TMEM268: variants seen among roughly 807,000 people sequenced by gnomAD.
TMEM268 encodes the protein transmembrane protein 268.
Under a neutral mutation model 39.1 loss-of-function variants are expected in TMEM268, and 24 were observed. The observed-to-expected ratio is 0.61, with a 90% confidence interval of 0.44 to 0.86. The LOEUF is 0.86. TMEM268 is among the 40% of genes least tolerant of loss of function. The pLI, the probability that TMEM268 is intolerant of heterozygous loss-of-function variation, is 0.00. For synonymous variants in TMEM268, 176 were observed against 173.5 expected, an observed-to-expected ratio of 1.01 and a Z score of -0.12; for missense variants, 409 against 428.6, an observed-to-expected ratio of 0.95 and a Z score of 0.40.
chr9:114,621,116 T>G (rs1700585112), intron 2 of TMEM268, among the ~76,000 whole-genome samples: 1 of 152,078 alleles, frequency 6.6e-6, no homozygotes, highest in African/African-American at 2.4e-5. Context: ...CATGGAAGCA[T>G]TCCTTGAGCC....
rs531811106 is a variant in TMEM268 at position 114,626,071 on chromosome 9, C to T, written c.217-828C>T. 9.9e-5 allele frequency among the ~76,000 whole-genome samples: 15 copies of T among 152,188 alleles called. No homozygotes were observed. In the East Asian group the frequency reaches 1.4e-3, roughly 14 times the overall value. On this transcript the variant is annotated intron_variant, in intron 3 of 8. Coordinates refer to ENST00000288502, the MANE Select transcript of TMEM268 (RefSeq NM_153045.4). ...CAAACTCCTGATCTCGTGATCCGCC[C>T]GCCTTGACCTCCCAAAGTGCGGGGA...
upstream of TMEM268, among the ~76,000 whole-genome samples, chr9:114,609,235 C>G (rs550186608): frequency 6.6e-6 from 1 of 151,814 alleles, no homozygotes; most frequent in Non-Finnish European, 1.5e-5. Flanking sequence ...CGCTTGAACC[C>G]GGGAGGTGGA....
chr9:114,632,740 G>A (rs752055917), intron 5 of TMEM268, among the ~76,000 whole-genome samples: 2 of 152,122 alleles, frequency 1.3e-5, no homozygotes, highest in African/African-American at 2.4e-5. Flanking sequence ...CCCATCTTCC[G>A]CAAATATCTT....
chr9:114,605,456 C>T, the TMEM268 span, among the ~76,000 whole-genome samples: 1 of 151,952 alleles, frequency 6.6e-6, no homozygotes, highest in East Asian at 1.9e-4. Flanking sequence ...GGTGAAAGAT[C>T]ATCAGGTCAA....
At chr9:114,610,997 G>C (rs897681090), upstream of TMEM268, among the ~76,000 whole-genome samples, 2 of 152,192 alleles carry the variant, frequency 1.3e-5, no homozygotes, top group African/African-American at 4.8e-5. Flanking sequence ...CAAGCAAGAG[G>C]ATCGCTTGAG....
rs143042367 is a variant in TMEM268 at position 114,626,238 on chromosome 9, C to G, written c.217-661C>G. Among the ~76,000 whole-genome samples the G allele has an allele frequency of 5.1e-3, 781 of 152,292 alleles. 7 individuals carry two copies. Among genetic ancestry groups the G allele is most frequent in the African/African-American group, 0.018 (737 of 41,562 alleles). On this transcript the variant is annotated intron_variant, in intron 3 of 8. Coordinates refer to ENST00000288502, the MANE Select transcript of TMEM268 (RefSeq NM_153045.4). Reference sequence around the variant, plus strand: ...TTGGTCTCCCAAAGTGCTGGGATTACAGGTGTGAGACACTGCACCTGGCCT... The same window carrying G: ...TTGGTCTCCCAAAGTGCTGGGATTAGAGGTGTGAGACACTGCACCTGGCCT...
chr9:114,630,279 TATCC>T (rs57970569), intron 5 of TMEM268, among the ~76,000 whole-genome samples: 13,942 of 148,184 alleles, frequency 0.094, 932 homozygotes, highest in East Asian at 0.28. Flanking sequence ...AATATATATC[TATCC>T]ATCCATCCAT....
intron 2 of TMEM268, among the ~76,000 whole-genome samples, chr9:114,618,532 G>A (rs1373391006): frequency 9.2e-5 from 14 of 151,926 alleles, no homozygotes; most frequent in South Asian, 4.2e-4. Flanking sequence ...ATGTGGTGGC[G>A]GGCGCCTGTA....
At chr9:114,606,873 AC>A (rs985585925), upstream of TMEM268, among the ~76,000 whole-genome samples, 18 of 148,812 alleles carry the variant, frequency 1.2e-4, no homozygotes, top group East Asian at 9.9e-4. Flanking sequence ...AAAAAAAAAA[AC>A]CAAAAAACAC....
chr9:114,625,137 T>G (rs1428689142), intron 3 of TMEM268, among the ~76,000 whole-genome samples: 1 of 152,222 alleles, frequency 6.6e-6, no homozygotes, highest in East Asian at 1.9e-4. Flanking sequence ...TTTCTGAGCC[T>G]CAGTTTTATC....
At chr9:114,608,345 G>A (rs1444558189), upstream of TMEM268, among the ~76,000 whole-genome samples, 1 of 152,232 alleles carries the variant, frequency 6.6e-6, no homozygotes, top group Non-Finnish European at 1.5e-5. Context: ...CAGAGAGTGA[G>A]CTGAGCTGCC....
chr9:114,626,903 C>G lies in TMEM268; in HGVS notation c.221C>G (p.Pro74Arg). The G allele has an allele frequency of 6.2e-7, 1 of 1,607,402 alleles. No individual in the cohort carries two copies. The highest frequency in any genetic ancestry group is 8.5e-7 in the Non-Finnish European group (1 of 1,174,432). The change falls in exon 4 of 9, where the codon CCG becomes CGG. Residue 74 changes from proline (P) to arginine (R), a missense_variant. Pro to Arg is a moderately radical substitution (Grantham distance 103). Coordinates refer to ENST00000288502, the MANE Select transcript of TMEM268 (RefSeq NM_153045.4). ...EQLQTWGIQV[P>R]ADQYRSLAES... ...CTTTCCCTGGGTTCCAAGCAGGTCC[C>G]GGCTGACCAGTACAGGAGCTTGGCT... is the stretch of plus-strand genomic sequence containing the variant.
At chr9:114,642,786 G>A (rs1827412377) in intron 8 of TMEM268, among the ~76,000 whole-genome samples, 1 of 152,012 alleles carries the variant, frequency 6.6e-6, no homozygotes, top group African/African-American at 2.4e-5. Flanking sequence ...TGGCCAGCTA[G>A]GCTTAAAAAA....
At chr9:114,617,339 CCTCATGCTGAACTGGA>C in intron 2 of TMEM268, 38 bp downstream of exon 2, 1 of 1,500,100 alleles carries the variant, frequency 6.7e-7, no homozygotes, top group South Asian at 1.2e-5. Flanking sequence ...CTTCTTTCTA[CCTCATGCTGAACTGGA>C]CTCACAGGGC....
rs1304034767 is a variant in TMEM268 at position 114,645,703 on chromosome 9, A to G, written c.*2390A>G. 6.6e-6 allele frequency: 1 copy of G among 152,304 alleles called. No homozygotes were observed. Among genetic ancestry groups the G allele is most frequent in the African/African-American group, 2.4e-5 (1 of 41,454 alleles). The allele number at this position is 152,304 out of a possible 1,614,324, so 9.4% of individuals were successfully genotyped here. A position where few individuals can be genotyped will look rare whatever the true frequency, so the allele number is the denominator to read the frequency against. On this transcript the variant is annotated 3_prime_UTR_variant, in exon 9 of 9. Coordinates refer to ENST00000288502, the MANE Select transcript of TMEM268 (RefSeq NM_153045.4). ...TTAAATGACAAAGCAGCAGTTTTTC[A>G]ATTGTAAGGTCTGCTTGAGAGCCTT...
intron 2 of TMEM268, 119 bp from the exon 3 acceptor site, chr9:114,624,231 C>T (rs1030820172): frequency 2.0e-6 from 3 of 1,481,358 alleles, no homozygotes; most frequent in Admixed American, 2.3e-5. Flanking sequence ...CCACCGTGTC[C>T]CTCCTTGTTG....
At chr9:114,637,438 G>A (rs1361384858) in intron 7 of TMEM268, among the ~76,000 whole-genome samples, 2 of 151,734 alleles carry the variant, frequency 1.3e-5, no homozygotes, top group Non-Finnish European at 2.9e-5. Context: ...AATTACAGGT[G>A]CCTGCCATCA....
upstream of TMEM268, among the ~76,000 whole-genome samples, chr9:114,609,505 C>CAAAACAAAAACAAAAACA (rs564027021): frequency 3.3e-5 from 5 of 151,120 alleles, no homozygotes; most frequent in African/African-American, 1.2e-4. Flanking sequence ...CCTGCATCTA[C>CAAAACAAAAACAAAAACA]AAAACAAAAA....
rs975437640 is a variant in TMEM268, at chr9:114,632,524, C to G, written c.475-1244C>G. ...TCCTCTTGTCCCTCCTCTTCTCCCCCACCTGTTTAGCATCCACTCTCCCAG... is the reference window on the plus strand; with the variant it reads ...TCCTCTTGTCCCTCCTCTTCTCCCCGACCTGTTTAGCATCCACTCTCCCAG... On this transcript the variant is annotated intron_variant, in intron 5 of 8. Coordinates refer to ENST00000288502, the MANE Select transcript of TMEM268 (RefSeq NM_153045.4). Among the ~76,000 whole-genome samples the G allele has an allele frequency of 3.3e-5, 5 of 152,340 alleles. No individual in the cohort carries two copies. In the East Asian group the frequency reaches 5.8e-4, roughly 18 times the overall value.
Sources: allele counts gnomAD v4.1 joint callset (sites outside exome capture counted in the v4.1 genomes callset), GRCh38; gene constraint gnomAD v4.1.1; transcripts MANE v1.5; gene names NCBI Gene and HGNC (gene_info 2026-07-23, HGNC 2026-07-21).